Variants in SLC9A9 observed in about 807,000 individuals in gnomAD.
SLC9A9 encodes the protein solute carrier family 9 member A9.
A neutral mutation model predicts 77.8 loss-of-function variants in SLC9A9; 62 were observed. The observed-to-expected ratio is 0.80, with a 90% confidence interval of 0.65 to 0.98. The LOEUF (loss-of-function observed/expected upper bound fraction) is 0.98, where lower values mean the gene tolerates loss of function less well. Among genes scored for constraint, SLC9A9 ranks in the 50% least tolerant of loss-of-function variants. The probability of loss-of-function intolerance (pLI) is 0.00; values close to 1 mark genes in which losing one functional copy is unlikely to be tolerated. For synonymous variants in SLC9A9, 320 were observed against 283.5 expected (o/e 1.13, Z -1.29); for missense variants, 775 against 774.9 (o/e 1.00, Z 0.00).
intron 14 of SLC9A9, among the ~76,000 whole-genome samples, chr3:143,316,609 A>G (rs948091968): frequency 4.6e-5 from 7 of 152,172 alleles, no homozygotes; most frequent in African/African-American, 1.7e-4. Context: ...TGTTAAGAAG[A>G]TACCTTCTTG....
chr3:143,362,364 C>T (rs180722229), intron 14 of SLC9A9, among the ~76,000 whole-genome samples: 8 of 152,298 alleles, frequency 5.3e-5, no homozygotes, highest in Admixed American at 3.3e-4. Flanking sequence ...TCTACTTTTG[C>T]AAAATTGCTT....
intron 2 of SLC9A9, among the ~76,000 whole-genome samples, chr3:143,807,694 G>A (rs529068157): frequency 1.3e-5 from 2 of 152,318 alleles, no homozygotes; most frequent in South Asian, 2.1e-4. Context: ...GCAGTAAGCC[G>A]AGATGGCGCC....
Position 143,574,152 on chromosome 3 carries a change from T to A in SLC9A9, c.936A>T (p.Glu312Asp), listed in dbSNP as rs892649017. ...FTKLCEFPML[E>D]TGLFFLLSWS... is the part of the protein sequence containing the mutation. ...AAGAAAGCAGGAAAAACAGGCCGGT[T>A]TCCAGCATCGGGAACTCACACAGCT... The change falls in exon 8 of 16, where the codon GAA (glutamate) becomes GAT (aspartate). Residue 312 changes from glutamate (E) to aspartate (D), a missense_variant. Glu to Asp is a conservative substitution (Grantham distance 45). Coordinates refer to ENST00000316549, the MANE Select transcript of SLC9A9 (RefSeq NM_173653.4). 4 of 1,613,528 alleles carry A rather than the reference T, an allele frequency of 2.5e-6. No homozygotes were observed. The highest frequency in any genetic ancestry group is 3.4e-6 in the Non-Finnish European group (4 of 1,179,622).
intron 9 of SLC9A9, among the ~76,000 whole-genome samples, chr3:143,549,374 G>A (rs1389261175): frequency 6.6e-6 from 1 of 152,150 alleles, no homozygotes; most frequent in Non-Finnish European, 1.5e-5. Flanking sequence ...TATGTACATA[G>A]GCTGTGTATG....
chr3:143,365,492 A>T (rs2032872234), intron 13 of SLC9A9, among the ~76,000 whole-genome samples: 1 of 152,220 alleles, frequency 6.6e-6, no homozygotes, highest in Non-Finnish European at 1.5e-5. Context: ...GCAAATCTTC[A>T]ACAGAAAGTG....
intron 4 of SLC9A9, among the ~76,000 whole-genome samples, chr3:143,723,852 T>A (rs62267237): frequency 0.056 from 8,517 of 152,128 alleles, 340 homozygotes; most frequent in Non-Finnish European, 0.086. Flanking sequence ...CAGGTCAGAG[T>A]ACCAACCAGA....
chr3:143,666,755 C>G (rs1262036378), intron 5 of SLC9A9, among the ~76,000 whole-genome samples: 3 of 152,092 alleles, frequency 2.0e-5, no homozygotes, highest in Non-Finnish European at 4.4e-5. Context: ...AATAAAATAC[C>G]TAGGAATCCA....
intron 6 of SLC9A9, among the ~76,000 whole-genome samples, chr3:143,588,904 T>G (rs879084774): frequency 1.3e-5 from 2 of 152,212 alleles, no homozygotes; most frequent in Admixed American, 1.3e-4. Context: ...ACTTTTCAAT[T>G]TCTTTAATCC....
chr3:143,759,614 A>T (rs1368133328), intron 4 of SLC9A9, among the ~76,000 whole-genome samples: 5 of 151,550 alleles, frequency 3.3e-5, no homozygotes, highest in Non-Finnish European at 5.9e-5. Flanking sequence ...CTGTCACCGG[A>T]TGCAATGAGA....
chr3:143,778,037 C>CAAAAAAAAAAAAAAAAAAAAA (rs748982877), intron 4 of SLC9A9, among the ~76,000 whole-genome samples: 5 of 75,562 alleles, frequency 6.6e-5, no homozygotes, highest in African/African-American at 1.0e-4. Flanking sequence ...TTATAAAATG[C>CAAAAAAAAAAAAAAAAAAAAA]AAAAAAAAAA....
chr3:143,829,758 C>T (rs991768670), intron 2 of SLC9A9, among the ~76,000 whole-genome samples: 1 of 152,134 alleles, frequency 6.6e-6, no homozygotes, highest in Non-Finnish European at 1.5e-5. Flanking sequence ...GTGGCAATGA[C>T]ATTGGCAGTG....
chr3:143,735,429 C>G (rs1174261592), intron 4 of SLC9A9, among the ~76,000 whole-genome samples: 1 of 152,150 alleles, frequency 6.6e-6, no homozygotes, highest in Non-Finnish European at 1.5e-5. Context: ...ATTAACACTT[C>G]AATGAGCCTA....
intron 4 of SLC9A9, among the ~76,000 whole-genome samples, chr3:143,734,626 CG>C (rs1934893343): frequency 6.7e-6 from 1 of 150,268 alleles, no homozygotes; most frequent in South Asian, 2.1e-4. Flanking sequence ...CCCAGCTACT[CG>C]GGAGGCTGAG....
chr3:143,518,181 TA>T, intron 9 of SLC9A9: 1 of 1,599,426 alleles, frequency 6.3e-7, no homozygotes. Flanking sequence ...GGATCCTCCT[TA>T]CACATTTTCA....
At chr3:143,341,952 G>T (rs1186748073) in intron 14 of SLC9A9, among the ~76,000 whole-genome samples, 1 of 152,186 alleles carries the variant, frequency 6.6e-6, no homozygotes, top group African/African-American at 2.4e-5. Flanking sequence ...CCATGCAGAT[G>T]AAGAGCCCTG....
chr3:143,372,249 A>G (rs1331591348), intron 13 of SLC9A9, among the ~76,000 whole-genome samples: 1 of 152,248 alleles, frequency 6.6e-6, no homozygotes, highest in Non-Finnish European at 1.5e-5. Context: ...GAGCCTGAAT[A>G]GTCAAAGCAA....
chr3:143,490,414 C>T (rs201387972), intron 11 of SLC9A9, among the ~76,000 whole-genome samples: 1 of 48,622 alleles, frequency 2.1e-5, no homozygotes, highest in Non-Finnish European at 7.0e-5. Context: ...GTGAAATAAA[C>T]CAATCACAAA....
chr3:143,498,421 G>A (rs2035874157), intron 9 of SLC9A9, among the ~76,000 whole-genome samples: 1 of 152,080 alleles, frequency 6.6e-6, no homozygotes, highest in African/African-American at 2.4e-5. Flanking sequence ...AGGGATGGTG[G>A]TGTGTGCCTG....
rs764924053 is a variant in SLC9A9, at chr3:143,693,292, A to G, written c.549T>C (p.Gly183=). 1 of 1,613,068 alleles carries G rather than the reference A, an allele frequency of 6.2e-7. No homozygotes were observed. The highest frequency in any genetic ancestry group is 1.1e-5 in the South Asian group (1 of 91,066). ...SCIVIGLIMY[G]FVKAMIHAGQ... ...CAGCATGTATCATAGCCTTCACAAA[A>G]CCATACATAATTAACCTGTTGAAGA... Residue 183 remains glycine, a synonymous_variant, in exon 5 of 16, where the codon GGT becomes GGC. Transcript: ENST00000316549.
Sources: allele counts gnomAD v4.1 joint callset (sites outside exome capture counted in the v4.1 genomes callset), GRCh38; gene constraint gnomAD v4.1.1; transcripts MANE v1.5; gene names NCBI Gene and HGNC (gene_info 2026-07-23, HGNC 2026-07-21).